The following PHF3 variants were observed in gnomAD, a reference collection of about 807,000 sequenced individuals.
The protein encoded by PHF3 is PHD finger protein 3.
In PHF3, 41 loss-of-function variants were observed where a neutral mutation model predicts 178.4. That is an observed-to-expected ratio of 0.23 (90% confidence interval 0.18 to 0.30). The LOEUF (loss-of-function observed/expected upper bound fraction) is 0.30, where lower values mean the gene tolerates loss of function less well. PHF3 is among the 10% of genes least tolerant of loss of function. The pLI is 1.00. For missense variants in PHF3, 2,346 were observed against 2,398.1 expected, an observed-to-expected ratio of 0.98 and a Z score of 0.45; for synonymous variants, 842 against 800.5, an observed-to-expected ratio of 1.05 and a Z score of -0.88.
intron 3 of PHF3, among the ~76,000 whole-genome samples, chr6:63,682,233 A>G (rs62412950): frequency 0.56 from 84,484 of 151,842 alleles, 25,342 homozygotes; most frequent in African/African-American, 0.79. Flanking sequence ...TCTAACTGCT[A>G]CTTTTAAAGA....
chr6:63,694,888 G>A, intron 6 of PHF3, 124 bp downstream of exon 6: 1 of 494,922 alleles, frequency 2.0e-6, no homozygotes, highest in Non-Finnish European at 3.1e-6. Context: ...TTGCCATTAA[G>A]GCAATACAAA....
chr6:63,656,468 T>C (rs1010519103), intron 2 of PHF3, among the ~76,000 whole-genome samples: 1 of 152,146 alleles, frequency 6.6e-6, no homozygotes, highest in Non-Finnish European at 1.5e-5. Flanking sequence ...TTGCTGACTG[T>C]GTGTTTGTAT....
rs538063867 is a variant in PHF3 at position 63,713,140 on chromosome 6, C to T, written c.5552C>T (p.Pro1851Leu). The change falls in exon 16 of 16, where the codon CCC becomes CTC. Residue 1851 changes from proline to leucine, a missense_variant. Physicochemically the swap from Pro to Leu is moderately conservative, Grantham distance 98. This residue lies in a region of PHF3 where 839 missense variants were observed against 806.9 expected (regional missense o/e 1.04). Transcript: ENST00000262043. ...CCAGGCTTTGGCTTTGCTCAAAATCCCATGGTTCCCTGGCCACCTGTTGTT... is the reference window on the plus strand; with the variant it reads ...CCAGGCTTTGGCTTTGCTCAAAATCTCATGGTTCCCTGGCCACCTGTTGTT... ...PPPGFGFAQN[P>L]MVPWPPVVHL... The T allele has an allele frequency of 1.9e-6, 3 of 1,614,002 alleles. No individual in the cohort carries two copies. In the African/African-American group the frequency reaches 4.0e-5, roughly 22 times the overall value.
chr6:63,690,339 T>C (rs1766941263), intron 4 of PHF3, among the ~76,000 whole-genome samples: 1 of 152,104 alleles, frequency 6.6e-6, no homozygotes, highest in African/African-American at 2.4e-5. Context: ...AAGTTATAGA[T>C]GTGATGAAGT....
chr6:63,660,009 G>T (rs1429696737), intron 2 of PHF3, among the ~76,000 whole-genome samples: 1 of 152,042 alleles, frequency 6.6e-6, no homozygotes, highest in Non-Finnish European at 1.5e-5. Flanking sequence ...TAGCTTTGTA[G>T]TCAGCAAGAT....
rs1356058881 is a variant in PHF3 at position 63,716,805 on chromosome 6, T to A, written c.*3097T>A. ...CTCTAGTATCTCTGACCTTCCCTTC[T>A]GATTCCCTCTTCTACTACAAAGGAC... On this transcript the variant is annotated 3_prime_UTR_variant, in exon 16 of 16. Coordinates refer to ENST00000262043, the MANE Select transcript of PHF3 (RefSeq NM_001370348.2). 6.6e-6 allele frequency among the ~76,000 whole-genome samples: 1 copy of A among 152,056 alleles called. No individual in the cohort carries two copies. Among genetic ancestry groups the A allele is most frequent in the African/African-American group, 2.4e-5 (1 of 41,428 alleles).
chr6:63,677,878 CTT>C (rs1300649685), intron 2 of PHF3, among the ~76,000 whole-genome samples: 1 of 152,054 alleles, frequency 6.6e-6, no homozygotes, highest in Non-Finnish European at 1.5e-5. Flanking sequence ...GAAAAGTAGT[CTT>C]AAAATTTATG....
At position 63,640,770 on chromosome 6, in the gene PHF3, G is replaced by C. The variant is rs183456923; in HGVS notation, c.-26+4620G>C. On this transcript the variant is annotated intron_variant, in intron 1 of 15. Transcript: ENST00000262043. ...TTATATAATCAGGATAATAATATAA[G>C]GTTGTTTTGAGGATTAAATGAATTA... is the stretch of plus-strand genomic sequence containing the variant. 1.1e-3 allele frequency among the ~76,000 whole-genome samples: 169 copies of C among 152,204 alleles called. 1 individual carries two copies. Among genetic ancestry groups the C allele is most frequent in the Non-Finnish European group, 2.0e-3 (136 of 68,002 alleles).
In PHF3 at chr6:63,715,379, T is replaced by C. The variant is rs1199216482; in HGVS notation, c.*1671T>C. 2 of 152,180 alleles carry C rather than the reference T, an allele frequency of 1.3e-5. No individual in the cohort carries two copies. Among genetic ancestry groups the C allele is most frequent in the Non-Finnish European group, 2.9e-5 (2 of 68,030 alleles). 9.4% of individuals were successfully genotyped at this position (152,180 alleles called of 1,614,324 possible). On this transcript the variant is annotated 3_prime_UTR_variant, in exon 16 of 16. Coordinates refer to ENST00000262043, the MANE Select transcript of PHF3 (RefSeq NM_001370348.2). ...CCCAAACAAAACAAAATCTAAGTTA[T>C]AATTTGCACCATTACAAAGAAATTG...
At position 63,711,360 on chromosome 6, in the gene PHF3, C is replaced by T; in HGVS notation, c.3995C>T (p.Pro1332Leu). ...IPHPLVPFDG[P>L]GLELHRPNLL... ...CACCCTCTTGTGCCTTTTGATGGAC[C>T]TGGTAGGTATACGTTTTAATAATAG... Residue 1332 changes from proline (P) to leucine (L), a missense_variant and splice_region_variant, in exon 15 of 16, where the codon CCT becomes CTT. Physicochemically the swap from Pro to Leu is moderately conservative, Grantham distance 98. Transcript: ENST00000262043. 2 of 1,601,700 alleles carry T rather than the reference C, an allele frequency of 1.2e-6. No individual in the cohort carries two copies. The highest frequency in any genetic ancestry group is 8.5e-7 in the Non-Finnish European group (1 of 1,173,406).
chr6:63,655,028 G>A (rs1294815857), intron 2 of PHF3, among the ~76,000 whole-genome samples: 1 of 151,258 alleles, frequency 6.6e-6, no homozygotes, highest in Non-Finnish European at 1.5e-5. Flanking sequence ...CTAGTTGTTG[G>A]GACTACAGGT....
intron 10 of PHF3, 140 bp from the exon 11 acceptor site, chr6:63,703,396 A>G (rs1161262532): frequency 2.4e-6 from 2 of 845,320 alleles, no homozygotes; most frequent in Non-Finnish European, 3.6e-6. Flanking sequence ...TAGTAAAAAA[A>G]AACCAAAAAA....
At chr6:63,658,664 C>T (rs1412414673) in intron 2 of PHF3, among the ~76,000 whole-genome samples, 1 of 151,462 alleles carries the variant, frequency 6.6e-6, no homozygotes, top group Non-Finnish European at 1.5e-5. Context: ...TAACAAACTT[C>T]ACTGAGTTTG....
rs955389651 is a variant in PHF3 at position 63,636,087 on chromosome 6, G to C, written c.-89G>C. 2.3e-4 allele frequency: 90 copies of C among 392,002 alleles called. No individual in the cohort carries two copies. The highest frequency in any genetic ancestry group is 1.7e-3 in the African/African-American group (81 of 48,282). 24.3% of individuals were successfully genotyped at this position (392,002 alleles called of 1,614,324 possible). On this transcript the variant is annotated 5_prime_UTR_variant, in exon 1 of 16. Transcript: ENST00000262043. ...ACCGGGCCCCCTCCTCCTCCTCTTCGGCGGCGGCAGCGTCCACCATCTTCC... is the reference window on the plus strand; with the variant it reads ...ACCGGGCCCCCTCCTCCTCCTCTTCCGCGGCGGCAGCGTCCACCATCTTCC...
At position 63,682,839 on chromosome 6, in the gene PHF3, G is replaced by A. The variant is rs1000033724; in HGVS notation, c.407-1290G>A. On this transcript the variant is annotated intron_variant, in intron 3 of 15. Coordinates refer to ENST00000262043, the MANE Select transcript of PHF3 (RefSeq NM_001370348.2). ...TATTCTTTTGTCATTTTTAGCAACC[G>A]CTTGGGTGTTAAAAGATCTTTATTT... 9.9e-5 allele frequency among the ~76,000 whole-genome samples: 15 copies of A among 151,888 alleles called. No homozygotes were observed. In the South Asian group the frequency reaches 1.5e-3, roughly 15 times the overall value.
intron 2 of PHF3, among the ~76,000 whole-genome samples, chr6:63,652,953 G>GCCCAGTAGTGTGATAAC (rs1487530621): frequency 6.7e-6 from 1 of 150,068 alleles, no homozygotes; most frequent in African/African-American, 2.4e-5. Context: ...ATATTTTGAA[G>GCCCAGTAGTGTGATAAC]TCCAGTAGTG....
intron 4 of PHF3, among the ~76,000 whole-genome samples, chr6:63,689,561 CTCAA>C (rs1766904460): frequency 1.3e-5 from 2 of 152,100 alleles, no homozygotes; most frequent in South Asian, 4.1e-4. Flanking sequence ...TTTTCTCTCT[CTCAA>C]AAACTCTTAA....
intron 2 of PHF3, among the ~76,000 whole-genome samples, chr6:63,672,408 T>A (rs779860771): frequency 1.3e-4 from 20 of 152,226 alleles, no homozygotes; most frequent in Admixed American, 1.3e-3. Flanking sequence ...TCTGCCTGTT[T>A]TTATACACAT....
chr6:63,679,919 C>CA, intron 2 of PHF3, 81 bp from the exon 3 acceptor site: 1 of 1,105,812 alleles, frequency 9.0e-7, no homozygotes, highest in Non-Finnish European at 1.4e-6. Flanking sequence ...AAGACTATCT[C>CA]ACAGTATTTT....
Sources: gnomAD v4.1 joint callset for allele counts (sites outside exome capture counted in the v4.1 genomes callset) on GRCh38, gnomAD v4.1.1 for gene constraint, gnomAD v4.1.1 regional missense constraint, MANE v1.5 for transcripts, NCBI Gene and HGNC (gene_info 2026-07-23, HGNC 2026-07-21) for gene names.